The following KIAA1217 variants were observed in gnomAD, a reference collection of about 807,000 sequenced individuals.
KIAA1217 encodes KIAA1217, also known as sickle tail protein homolog.
Under a neutral mutation model 163.9 loss-of-function variants are expected in KIAA1217, and 88 were observed. The ratio of observed to expected loss-of-function variants is 0.54; its 90% confidence interval spans 0.45 to 0.64. The LOEUF is 0.64. KIAA1217 is among the 30% of genes least tolerant of loss of function. The probability of loss-of-function intolerance (pLI) is 0.00; values close to 1 mark genes in which losing one functional copy is unlikely to be tolerated. For synonymous variants in KIAA1217, 903 were observed against 923.1 expected (o/e 0.98, Z 0.39); for missense variants, 2,372 against 2,475.0 (o/e 0.96, Z 0.88).
intron 1 of KIAA1217, among the ~76,000 whole-genome samples, chr10:24,214,775 A>T (rs866436574): frequency 6.6e-6 from 1 of 152,226 alleles, no homozygotes; most frequent in Non-Finnish European, 1.5e-5. Flanking sequence ...GCCACTAGAA[A>T]GAAGTGAGGG....
intron 1 of KIAA1217, among the ~76,000 whole-genome samples, chr10:23,700,799 A>G (rs1836392778): frequency 6.6e-6 from 1 of 152,178 alleles, no homozygotes; most frequent in Non-Finnish European, 1.5e-5. Flanking sequence ...CTAACTTTCT[A>G]TCCTTTTTTG....
intron 2 of KIAA1217, among the ~76,000 whole-genome samples, chr10:24,261,006 C>G (rs1284393585): frequency 1.3e-5 from 2 of 152,006 alleles, no homozygotes; most frequent in South Asian, 4.1e-4. Flanking sequence ...TACAAGAGAC[C>G]CAGTTACAGA....
intron 1 of KIAA1217, among the ~76,000 whole-genome samples, chr10:23,959,022 G>C (rs1302927700): frequency 6.6e-6 from 1 of 150,576 alleles, no homozygotes; most frequent in East Asian, 1.9e-4. Context: ...CTCGAACCAT[G>C]GGCCTGACAT....
chr10:23,809,447 A>G (rs902421715), intron 1 of KIAA1217, among the ~76,000 whole-genome samples: 9 of 152,032 alleles, frequency 5.9e-5, no homozygotes, highest in African/African-American at 2.2e-4. Flanking sequence ...AATAAAATAT[A>G]GCATAGAAAA....
intron 2 of KIAA1217, among the ~76,000 whole-genome samples, chr10:24,263,631 C>T (rs1331801189): frequency 6.6e-6 from 1 of 152,152 alleles, no homozygotes; most frequent in African/African-American, 2.4e-5. Flanking sequence ...GGAGATTAAC[C>T]ACTAAGCATT....
At chr10:24,523,191 A>G (rs961563524) in intron 12 of KIAA1217, among the ~76,000 whole-genome samples, 4 of 151,532 alleles carry the variant, frequency 2.6e-5, no homozygotes, top group Non-Finnish European at 4.4e-5. Context: ...GAAGGGTGGT[A>G]TACACCTGTA....
chr10:23,974,961 T>C (rs1382274364), intron 1 of KIAA1217, among the ~76,000 whole-genome samples: 1 of 152,024 alleles, frequency 6.6e-6, no homozygotes, highest in African/African-American at 2.4e-5. Context: ...TCACGAGCCC[T>C]GGGTGTAGCT....
At chr10:24,471,685 C>G (rs1371900489) in intron 5 of KIAA1217, among the ~76,000 whole-genome samples, 1 of 152,008 alleles carries the variant, frequency 6.6e-6, no homozygotes, top group African/African-American at 2.4e-5. Flanking sequence ...GAGTTCAAGA[C>G]TAGCCGGGCC....
intron 1 of KIAA1217, among the ~76,000 whole-genome samples, chr10:23,818,351 A>AAAAAATATAT (rs374977941): frequency 1.1e-4 from 15 of 134,892 alleles, no homozygotes; most frequent in African/African-American, 3.9e-4. Flanking sequence ...TATATAAAAA[A>AAAAAATATAT]ATATATATAT....
intron 2 of KIAA1217, among the ~76,000 whole-genome samples, chr10:24,142,583 T>A (rs2064133559): frequency 6.6e-6 from 1 of 152,144 alleles, no homozygotes; most frequent in African/African-American, 2.4e-5. Flanking sequence ...AAAACTGTAC[T>A]TACACCCCTT....
chr10:24,374,984 C>T (rs1007641223), intron 2 of KIAA1217, among the ~76,000 whole-genome samples: 1 of 152,106 alleles, frequency 6.6e-6, no homozygotes, highest in African/African-American at 2.4e-5. Flanking sequence ...AGAGTCTCAA[C>T]TAGGTTGCCC....
chr10:23,965,364 C>T (rs1359916947), intron 1 of KIAA1217, among the ~76,000 whole-genome samples: 1 of 152,142 alleles, frequency 6.6e-6, no homozygotes, highest in Non-Finnish European at 1.5e-5. Flanking sequence ...TGGCAAATGC[C>T]CTATAAGGCC....
chr10:24,330,630 T>G (rs1013450293), intron 2 of KIAA1217, among the ~76,000 whole-genome samples: 8 of 152,204 alleles, frequency 5.3e-5, no homozygotes, highest in African/African-American at 1.9e-4. Context: ...CATTTTTTAT[T>G]TTTGAGACAG....
chr10:23,974,002 A>G (rs1218279449), intron 1 of KIAA1217, among the ~76,000 whole-genome samples: 1 of 152,208 alleles, frequency 6.6e-6, no homozygotes, highest in East Asian at 1.9e-4. Flanking sequence ...AAAGGATGAG[A>G]CTGCTTTGGA....
In KIAA1217 at chr10:24,273,594, G is replaced by A. The variant is rs190431497; in HGVS notation, c.354+53685G>A. Among the ~76,000 whole-genome samples, 4 of 152,224 alleles carry A rather than the reference G, an allele frequency of 2.6e-5. 1 individual carries two copies. The East Asian group carries it at 7.7e-4, about 29-fold the overall frequency. ...TGGCTGGACGCCATGGCTCATGCCT[G>A]TAATCCAAGCACTTTGGGAGGCCAA... On this transcript the variant is annotated intron_variant, in intron 2 of 20. Transcript: ENST00000376454.
chr10:23,779,856 T>A (rs1835177126), intron 1 of KIAA1217, among the ~76,000 whole-genome samples: 1 of 152,212 alleles, frequency 6.6e-6, no homozygotes, highest in African/African-American at 2.4e-5. Context: ...TTACCGTATC[T>A]TTTCTATGTT....
At chr10:24,477,857 C>T (rs2064214470) in intron 6 of KIAA1217, among the ~76,000 whole-genome samples, 2 of 152,144 alleles carry the variant, frequency 1.3e-5, no homozygotes, top group South Asian at 4.1e-4. Context: ...ATTGTCTCAT[C>T]TATACCATGA....
intron 1 of KIAA1217, among the ~76,000 whole-genome samples, chr10:23,896,254 A>T (rs878916175): frequency 6.6e-6 from 1 of 151,998 alleles, no homozygotes; most frequent in South Asian, 2.1e-4. Context: ...TGAGTTTTTA[A>T]TCATCCACAG....
intron 9 of KIAA1217, among the ~76,000 whole-genome samples, chr10:24,505,277 A>G (rs1346283691): frequency 1.3e-5 from 2 of 150,416 alleles, no homozygotes; most frequent in Admixed American, 6.7e-5. Context: ...TACATTTGGT[A>G]TGAGAGCTAT....
Sources: gnomAD v4.1 joint callset for allele counts (sites outside exome capture counted in the v4.1 genomes callset) on GRCh38, gnomAD v4.1.1 for gene constraint, MANE v1.5 for transcripts, NCBI Gene and HGNC (gene_info 2026-07-23, HGNC 2026-07-21) for gene names.